Variants in NLRC4 observed in about 807,000 individuals in gnomAD.
The protein encoded by NLRC4 is NLR family CARD domain containing 4, also known as NLR family CARD domain-containing protein 4.
NLRC4 carries 63 observed loss-of-function variants against 79.9 expected under a neutral mutation model. The observed-to-expected ratio is 0.79, with a 90% CI of 0.64 to 0.97. NLRC4 has a LOEUF of 0.97. NLRC4 is among the 50% of genes least tolerant of loss of function. The pLI, the probability that NLRC4 is intolerant of heterozygous loss-of-function variation, is 0.00. For synonymous variants in NLRC4, 461 were observed against 456.5 expected, an observed-to-expected ratio of 1.01 and a Z score of -0.12; for missense variants, 1,074 against 1,215.2, an observed-to-expected ratio of 0.88 and a Z score of 1.73.
intron 8 of NLRC4, among the ~76,000 whole-genome samples, chr2:32,225,441 G>GTGTGTA (rs1200309516): frequency 8.5e-6 from 1 of 117,672 alleles, no homozygotes; most frequent in African/African-American, 3.2e-5. Flanking sequence ...GTGTGTGTGT[G>GTGTGTA]TGTGTATACA....
chr2:32,262,406 A>C (rs1687373370), intron 1 of NLRC4, among the ~76,000 whole-genome samples: 1 of 152,252 alleles, frequency 6.6e-6, no homozygotes, highest in Non-Finnish European at 1.5e-5. Flanking sequence ...TAAAGTTTTT[A>C]ATTGCTCTCA....
intron 5 of NLRC4, 150 bp from the exon 6 acceptor site, chr2:32,238,452 G>C (rs1217149938): frequency 1.1e-5 from 7 of 661,420 alleles, no homozygotes; most frequent in Middle Eastern, 3.9e-4. Flanking sequence ...GAATCAACGA[G>C]AGCTTTTTTT....
At chr2:32,242,069 C>T (rs1396476193) in intron 4 of NLRC4, among the ~76,000 whole-genome samples, 5 of 152,096 alleles carry the variant, frequency 3.3e-5, no homozygotes, top group Non-Finnish European at 7.3e-5. Flanking sequence ...GGCAAGGTCT[C>T]ACTATGTTGC....
chr2:32,234,908 A>G (rs150965627), intron 8 of NLRC4, among the ~76,000 whole-genome samples: 42 of 152,350 alleles, frequency 2.8e-4, no homozygotes, highest in African/African-American at 9.4e-4. Flanking sequence ...ACTAATACAG[A>G]TAGTATGAAG....
chr2:32,225,459 A>G (rs1686364646), intron 8 of NLRC4, among the ~76,000 whole-genome samples: 1 of 151,694 alleles, frequency 6.6e-6, no homozygotes, highest in South Asian at 2.1e-4. Flanking sequence ...ACATACACAA[A>G]TAGTTTAGTG....
In NLRC4 at chr2:32,253,488, G is replaced by C. The variant is rs573034076; in HGVS notation, c.2-809C>G. Among the ~76,000 whole-genome samples, 4 of 152,226 alleles carry C rather than the reference G, an allele frequency of 2.6e-5. No homozygotes were observed. In the East Asian group the frequency reaches 5.8e-4, roughly 22 times the overall value. ...TAACCCCAGAGTTATTGATGAGCAAGATGTTTTGCTTTGGTGAAGAAGTAA... is the reference window on the plus strand; with the variant it reads ...TAACCCCAGAGTTATTGATGAGCAACATGTTTTGCTTTGGTGAAGAAGTAA... On this transcript the variant is annotated intron_variant, in intron 2 of 8. Transcript: ENST00000402280.
At chr2:32,237,627 T>C (rs1457969940) in intron 6 of NLRC4, among the ~76,000 whole-genome samples, 1 of 152,248 alleles carries the variant, frequency 6.6e-6, no homozygotes, top group Non-Finnish European at 1.5e-5. Context: ...ATGTATAGTT[T>C]ATCCAGAAAT....
intron 2 of NLRC4, among the ~76,000 whole-genome samples, chr2:32,254,565 C>T (rs903320939): frequency 6.6e-6 from 1 of 150,882 alleles, no homozygotes; most frequent in Admixed American, 6.6e-5. Context: ...GTTTTTAACT[C>T]TCAGACACCG....
intron 8 of NLRC4, among the ~76,000 whole-genome samples, chr2:32,227,077 C>G (rs1686420493): frequency 1.3e-5 from 2 of 152,028 alleles, no homozygotes; most frequent in South Asian, 4.2e-4. Context: ...CACTTTTCCG[C>G]TTTTCCCCTC....
At chr2:32,225,119 A>C (rs532677260) in intron 8 of NLRC4, among the ~76,000 whole-genome samples, 22 of 152,286 alleles carry the variant, frequency 1.4e-4, no homozygotes, top group African/African-American at 4.8e-4. Flanking sequence ...ACTGGAGTCA[A>C]TCTTTGGCAA....
intron 1 of NLRC4, among the ~76,000 whole-genome samples, chr2:32,261,194 AAAC>A (rs201010272): frequency 0.022 from 3,324 of 148,716 alleles, 103 homozygotes; most frequent in African/African-American, 0.077. Context: ...CTCCATCTGA[AAAC>A]AACAACAACA....
At position 32,250,936 on chromosome 2, in the gene NLRC4, G is replaced by A. The variant is rs199475953; in HGVS notation, c.928C>T (p.Arg310Ter). 1.5e-4 allele frequency: 242 copies of A among 1,613,998 alleles called. No homozygotes were observed. Among genetic ancestry groups the A allele is most frequent in the Non-Finnish European group, 1.9e-4 (224 of 1,180,020 alleles). Residue 310 changes from arginine (R) to a stop codon, truncating the protein, a stop_gained, in exon 4 of 9, where the codon CGA (arginine) becomes TGA (stop). Coordinates refer to ENST00000402280, the MANE Select transcript of NLRC4 (RefSeq NM_001199138.2). LOFTEE classifies it high-confidence loss of function. The surrounding 1 kb of genome is among the most constrained non-coding windows in gnomAD (Gnocchi z 4.9). ...MTEDSAQALIREVLIKELAEG... is the reference protein window; with the variant it reads ...MTEDSAQALI ...GCAAGCTCCTTGATCAGCACTTCTCGGATGAGAGCCTGGGCGCTGTCTTCT... is the reference window on the plus strand; with the variant it reads ...GCAAGCTCCTTGATCAGCACTTCTCAGATGAGAGCCTGGGCGCTGTCTTCT...
chr2:32,259,397 C>T (rs766137222), intron 1 of NLRC4, among the ~76,000 whole-genome samples: 2 of 150,544 alleles, frequency 1.3e-5, no homozygotes, highest in Non-Finnish European at 3.0e-5. Context: ...AATGAGCCAC[C>T]GCGTCTGGCC....
In NLRC4 at chr2:32,249,546, A is replaced by G. The variant is rs796618357; in HGVS notation, c.2257+61T>C. 6.6e-6 allele frequency: 9 copies of G among 1,358,494 alleles called. No individual in the cohort carries two copies. The African/African-American group carries it at 1.3e-4, about 20-fold the overall frequency. The allele number at this position is 1,358,494 out of a possible 1,614,324, so 84.2% of individuals were successfully genotyped here. ...TAAAGTCTCCTCTCTCCTTTTCCAA[A>G]TTTATACACTGTTATTTTTTTTTAA... On this transcript the variant is annotated intron_variant, in intron 4 of 8. Coordinates refer to ENST00000402280, the MANE Select transcript of NLRC4 (RefSeq NM_001199138.2).
chr2:32,254,741 C>T (rs1687165523), intron 2 of NLRC4, among the ~76,000 whole-genome samples: 1 of 151,536 alleles, frequency 6.6e-6, no homozygotes, highest in African/African-American at 2.4e-5. Context: ...GCCTCGGCCT[C>T]CCAAGCAGCT....
chr2:32,245,269 C>A (rs181311075), intron 4 of NLRC4, among the ~76,000 whole-genome samples: 12 of 146,988 alleles, frequency 8.2e-5, no homozygotes, highest in African/African-American at 3.1e-4. Flanking sequence ...CGAGATCACA[C>A]CACTGCACCC....
At chr2:32,227,035 A>G (rs1041710596) in intron 8 of NLRC4, among the ~76,000 whole-genome samples, 2 of 152,178 alleles carry the variant, frequency 1.3e-5, no homozygotes, top group African/African-American at 4.8e-5. Context: ...CCAAGGAAGT[A>G]TAGGCAGAAG....
chr2:32,251,688 G>A lies in NLRC4; in HGVS notation c.263-87C>T, dbSNP rs933402151. On this transcript the variant is annotated intron_variant, in intron 3 of 8. Transcript: ENST00000402280. ...TCAGGAGGATGAACGGGGGGGTGAG[G>A]CTGAGAATCTGCCATTGGTGAATGT... 11 of 874,344 alleles carry A rather than the reference G, an allele frequency of 1.3e-5. No individual in the cohort carries two copies. In the African/African-American group the frequency reaches 1.7e-4, roughly 13 times the overall value. The allele number at this position is 874,344 out of a possible 1,614,324, so 54.2% of individuals were successfully genotyped here.
Position 32,235,583 on chromosome 2 carries a change from G to A in NLRC4, c.2615-15C>T. On this transcript the variant is annotated splice_polypyrimidine_tract_variant and intron_variant, in intron 7 of 8. Coordinates refer to ENST00000402280, the MANE Select transcript of NLRC4 (RefSeq NM_001199138.2). ...CATCCTGTCGACTGGAAGAAACAAAGAGCAGTTCAGGGACTGGATGGTCTC... is the reference window on the plus strand; with the variant it reads ...CATCCTGTCGACTGGAAGAAACAAAAAGCAGTTCAGGGACTGGATGGTCTC... The A allele has an allele frequency of 1.9e-6, 3 of 1,611,520 alleles. No individual in the cohort carries two copies. Among genetic ancestry groups the A allele is most frequent in the Non-Finnish European group, 2.5e-6 (3 of 1,177,906 alleles).
Sources: gnomAD v4.1 joint callset for allele counts (sites outside exome capture counted in the v4.1 genomes callset) on GRCh38, gnomAD v4.1.1 for gene constraint, Gnocchi (gnomAD v3.1) non-coding constraint, MANE v1.5 for transcripts, NCBI Gene and HGNC (gene_info 2026-07-23, HGNC 2026-07-21) for gene names.